The following UNC5D variants were observed in gnomAD, a reference collection of about 807,000 sequenced individuals.
UNC5D encodes the protein unc-5 netrin receptor D, also known as netrin receptor UNC5D.
Under a neutral mutation model 105.4 loss-of-function variants are expected in UNC5D, and 39 were observed. The observed-to-expected ratio is 0.37, with a 90% CI of 0.29 to 0.48. The LOEUF (loss-of-function observed/expected upper bound fraction) is 0.48. Ranked by LOEUF, UNC5D falls within the 20% of genes least tolerant of loss-of-function variation. The pLI is 0.98. For missense variants in UNC5D, 991 were observed against 1,202.4 expected, an observed-to-expected ratio of 0.82 and a Z score of 2.60; for synonymous variants, 452 against 450.4, an observed-to-expected ratio of 1.00 and a Z score of -0.04.
At chr8:35,473,303 C>T (rs750604906) in intron 1 of UNC5D, among the ~76,000 whole-genome samples, 4 of 152,216 alleles carry the variant, frequency 2.6e-5, no homozygotes, top group Admixed American at 6.5e-5. Flanking sequence ...TGCAAATTAG[C>T]GAACTCAGAT....
Position 35,558,552 on chromosome 8 carries a change from A to T in UNC5D, c.322+9042A>T, listed in dbSNP as rs573248215. 5.9e-5 allele frequency among the ~76,000 whole-genome samples: 9 copies of T among 152,360 alleles called. No homozygotes were observed. In the East Asian group the frequency reaches 1.7e-3, roughly 29 times the overall value. ...AAGCAGTAAGAGACAAATGGAAAAC[A>T]TTCCCTTATATAAGTGGAAGACTCA... On this transcript the variant is annotated intron_variant, in intron 2 of 16. Transcript: ENST00000404895.
intron 1 of UNC5D, among the ~76,000 whole-genome samples, chr8:35,288,870 A>G (rs1018466344): frequency 3.3e-5 from 5 of 152,154 alleles, no homozygotes; most frequent in East Asian, 1.9e-4. Flanking sequence ...ATGTAAGAAG[A>G]AAGAATTCAA....
intron 1 of UNC5D, among the ~76,000 whole-genome samples, chr8:35,378,128 A>T (rs1405633225): frequency 6.6e-6 from 1 of 152,160 alleles, no homozygotes; most frequent in Admixed American, 6.5e-5. Flanking sequence ...CTCTAAGAGG[A>T]TAAGCATGCT....
intron 11 of UNC5D, among the ~76,000 whole-genome samples, chr8:35,741,719 G>A (rs953048720): frequency 6.6e-6 from 1 of 152,108 alleles, no homozygotes; most frequent in Non-Finnish European, 1.5e-5. Context: ...CTTCAGAATG[G>A]ACTGTCCTAT....
At chr8:35,701,645 C>A (rs530732681) in intron 7 of UNC5D, among the ~76,000 whole-genome samples, 1 of 152,102 alleles carries the variant, frequency 6.6e-6, no homozygotes, top group Non-Finnish European at 1.5e-5. Context: ...TACCTCCCCC[C>A]TCATATACAC....
At chr8:35,326,873 G>A (rs552158676) in intron 1 of UNC5D, among the ~76,000 whole-genome samples, 1 of 152,146 alleles carries the variant, frequency 6.6e-6, no homozygotes, top group Non-Finnish European at 1.5e-5. Flanking sequence ...GCACTGGTGC[G>A]TTCAGGGCCT....
chr8:35,508,046 C>T (rs964811910), intron 1 of UNC5D, among the ~76,000 whole-genome samples: 1 of 152,156 alleles, frequency 6.6e-6, no homozygotes, highest in Non-Finnish European at 1.5e-5. Context: ...CACTGTCACA[C>T]ATTGGTCCTA....
At chr8:35,551,830 AAAAAGG>A (rs1816169775) in intron 2 of UNC5D, among the ~76,000 whole-genome samples, 1 of 152,082 alleles carries the variant, frequency 6.6e-6, no homozygotes, top group African/African-American at 2.4e-5. Context: ...AAAAAAAGAA[AAAAAGG>A]AAAAGGAAAA....
At chr8:35,311,381 T>TAG (rs1053243625) in intron 1 of UNC5D, among the ~76,000 whole-genome samples, 5 of 152,224 alleles carry the variant, frequency 3.3e-5, no homozygotes, top group African/African-American at 1.2e-4. Flanking sequence ...TAGTCAAAAG[T>TAG]TCAGGCTCAG....
intron 15 of UNC5D, among the ~76,000 whole-genome samples, chr8:35,768,063 G>A (rs1171129199): frequency 1.3e-5 from 2 of 151,102 alleles, no homozygotes; most frequent in African/African-American, 4.9e-5. Context: ...TTTAGGCTTG[G>A]CAGAAGATTG....
At chr8:35,277,762 T>C (rs184227044) in intron 1 of UNC5D, among the ~76,000 whole-genome samples, 14 of 152,348 alleles carry the variant, frequency 9.2e-5, no homozygotes, top group Non-Finnish European at 1.8e-4. Flanking sequence ...AAATAAGTAC[T>C]TCCATCTCTT....
intron 11 of UNC5D, among the ~76,000 whole-genome samples, chr8:35,747,911 C>T (rs1372219637): frequency 6.6e-6 from 1 of 152,174 alleles, no homozygotes; most frequent in Non-Finnish European, 1.5e-5. Context: ...TTGAAAGATA[C>T]ACATTTATGT....
At chr8:35,786,267 T>C (rs1802738336) in intron 16 of UNC5D, among the ~76,000 whole-genome samples, 1 of 152,242 alleles carries the variant, frequency 6.6e-6, no homozygotes, top group Admixed American at 6.5e-5. Context: ...TTGTGCTGAA[T>C]GTGCTTGTGC....
chr8:35,587,981 T>TATAC (rs1489883706), intron 3 of UNC5D, among the ~76,000 whole-genome samples: 6 of 141,748 alleles, frequency 4.2e-5, no homozygotes, highest in Non-Finnish European at 7.7e-5. Context: ...TATATATATA[T>TATAC]ATATATATAT....
At chr8:35,374,480 A>G (rs923206751) in intron 1 of UNC5D, among the ~76,000 whole-genome samples, 1 of 152,232 alleles carries the variant, frequency 6.6e-6, no homozygotes, top group African/African-American at 2.4e-5. Context: ...GCTTTTGTTT[A>G]TGAAGAATAG....
chr8:35,409,794 C>G (rs76591072), intron 1 of UNC5D, among the ~76,000 whole-genome samples: 240 of 152,056 alleles, frequency 1.6e-3, no homozygotes, highest in Non-Finnish European at 2.7e-3. Flanking sequence ...CACATCTAAA[C>G]CCATCATCAC....
chr8:35,743,301 G>A (rs557635232), intron 11 of UNC5D, among the ~76,000 whole-genome samples: 11 of 151,618 alleles, frequency 7.3e-5, no homozygotes, highest in Non-Finnish European at 1.5e-4. Flanking sequence ...ACAGAGTCTC[G>A]CTCTGTTGCC....
intron 1 of UNC5D, among the ~76,000 whole-genome samples, chr8:35,328,567 A>G (rs1810355765): frequency 6.6e-6 from 1 of 152,206 alleles, no homozygotes; most frequent in Non-Finnish European, 1.5e-5. Context: ...TTGTGCTTCA[A>G]ACATGTGTCT....
At chr8:35,600,050 G>T (rs544145272) in intron 4 of UNC5D, among the ~76,000 whole-genome samples, 1 of 152,148 alleles carries the variant, frequency 6.6e-6, no homozygotes, top group Non-Finnish European at 1.5e-5. Flanking sequence ...AGAACATGAG[G>T]TGTTTGGTTT....
Sources: allele counts gnomAD v4.1 joint callset (sites outside exome capture counted in the v4.1 genomes callset), GRCh38; gene constraint gnomAD v4.1.1; transcripts MANE v1.5; gene names NCBI Gene and HGNC (gene_info 2026-07-23, HGNC 2026-07-21).